Variants in BCKDHB observed in about 807,000 individuals in gnomAD.
The protein encoded by BCKDHB is 2-oxoisovalerate dehydrogenase subunit beta, mitochondrial.
A neutral mutation model predicts 48.5 loss-of-function variants in BCKDHB; 41 were observed. That is an observed-to-expected ratio of 0.85 (90% CI 0.66 to 1.10). The LOEUF (loss-of-function observed/expected upper bound fraction) is 1.10, where lower values mean the gene tolerates loss of function less well. Ranked by LOEUF, BCKDHB falls within the 50% of genes least tolerant of loss-of-function variation. The pLI is 0.00. For missense variants in BCKDHB, 496 were observed against 494.2 expected (o/e 1.00, Z -0.03); for synonymous variants, 201 against 174.8 (o/e 1.15, Z -1.18).
intron 6 of BCKDHB, among the ~76,000 whole-genome samples, chr6:80,180,653 G>T (rs770069586): frequency 1.3e-5 from 2 of 152,092 alleles, no homozygotes; most frequent in Non-Finnish European, 2.9e-5. Flanking sequence ...AGGACATAAT[G>T]ATATTGAGGA....
intron 3 of BCKDHB, among the ~76,000 whole-genome samples, chr6:80,129,668 G>A (rs1770530610): frequency 6.6e-6 from 1 of 151,972 alleles, no homozygotes; most frequent in Non-Finnish European, 1.5e-5. Flanking sequence ...TGGCTCATGT[G>A]AGTTTAGTTT....
At chr6:80,139,013 T>C (rs1446711150) in intron 3 of BCKDHB, among the ~76,000 whole-genome samples, 1 of 152,222 alleles carries the variant, frequency 6.6e-6, no homozygotes, top group East Asian at 1.9e-4. Context: ...TGTGAGATGA[T>C]ATCTCATTGT....
chr6:80,197,324 A>G (rs552606432), intron 6 of BCKDHB, among the ~76,000 whole-genome samples: 2 of 152,332 alleles, frequency 1.3e-5, no homozygotes, highest in Non-Finnish European at 2.9e-5. Context: ...ATTAAAATTA[A>G]TTCTTATTCT....
At chr6:80,176,385 A>G (rs1773156396) in intron 6 of BCKDHB, among the ~76,000 whole-genome samples, 2 of 152,182 alleles carry the variant, frequency 1.3e-5, no homozygotes, top group South Asian at 4.1e-4. Context: ...AGGTAAGTGA[A>G]TGCCAAAGCT....
At chr6:80,311,109 T>C (rs755910295) in intron 9 of BCKDHB, among the ~76,000 whole-genome samples, 4 of 152,220 alleles carry the variant, frequency 2.6e-5, no homozygotes, top group Admixed American at 6.5e-5. Flanking sequence ...TCCCGTGCTG[T>C]TCTCATGATA....
chr6:80,313,776 G>C (rs1057233236), intron 9 of BCKDHB, among the ~76,000 whole-genome samples: 1 of 152,084 alleles, frequency 6.6e-6, no homozygotes, highest in Admixed American at 6.6e-5. Context: ...CTTTGATCTT[G>C]GTTATTTTTT....
the BCKDHB span, among the ~76,000 whole-genome samples, chr6:80,411,783 G>A: frequency 1.3e-5 from 2 of 152,216 alleles, no homozygotes; most frequent in Admixed American, 6.5e-5. Flanking sequence ...GGCACGGGAG[G>A]GAATCTCCTG....
the BCKDHB span, among the ~76,000 whole-genome samples, chr6:80,458,851 C>T: frequency 6.6e-6 from 1 of 151,990 alleles, no homozygotes; most frequent in Non-Finnish European, 1.5e-5. Context: ...AATCACCTAA[C>T]TGTCATGAAC....
chr6:80,325,252 C>A (rs1474772093), intron 9 of BCKDHB, among the ~76,000 whole-genome samples: 1 of 152,116 alleles, frequency 6.6e-6, no homozygotes, highest in African/African-American at 2.4e-5. Flanking sequence ...CTGACTGATC[C>A]TTTTTTGAAA....
At chr6:80,397,179 A>G in the BCKDHB span, among the ~76,000 whole-genome samples, 2 of 152,146 alleles carry the variant, frequency 1.3e-5, no homozygotes, top group Non-Finnish European at 2.9e-5. Flanking sequence ...TGGGAAATAT[A>G]CTGGTCTATC....
intron 8 of BCKDHB, among the ~76,000 whole-genome samples, chr6:80,261,278 A>G (rs1392174537): frequency 1.3e-5 from 2 of 152,028 alleles, no homozygotes; most frequent in Non-Finnish European, 2.9e-5. Context: ...GACTTTGGGA[A>G]AGGACAAATG....
intron 1 of BCKDHB, among the ~76,000 whole-genome samples, chr6:80,115,607 T>C (rs1227007199): frequency 6.6e-6 from 1 of 151,992 alleles, no homozygotes; most frequent in Non-Finnish European, 1.5e-5. Context: ...GATTGTCACT[T>C]GTGTGTTACG....
chr6:80,121,070 T>G (rs1179981320), intron 1 of BCKDHB, among the ~76,000 whole-genome samples: 1 of 152,222 alleles, frequency 6.6e-6, no homozygotes, highest in Non-Finnish European at 1.5e-5. Context: ...CAGTTTCAGC[T>G]TTCTACATAT....
the BCKDHB span, among the ~76,000 whole-genome samples, chr6:80,398,187 C>G: frequency 6.6e-6 from 1 of 151,574 alleles, no homozygotes; most frequent in Non-Finnish European, 1.5e-5. Flanking sequence ...GAAGCCAGAG[C>G]AAACAAATCC....
At chr6:80,390,225 C>T in the BCKDHB span, among the ~76,000 whole-genome samples, 1 of 152,288 alleles carries the variant, frequency 6.6e-6, no homozygotes, top group South Asian at 2.1e-4. Flanking sequence ...TATTACCATG[C>T]CCTGTGATTA....
intron 9 of BCKDHB, among the ~76,000 whole-genome samples, chr6:80,305,412 TG>T (rs1193661702): frequency 1.3e-5 from 2 of 150,600 alleles, no homozygotes; most frequent in African/African-American, 4.9e-5. Flanking sequence ...GGTTTTTTTT[TG>T]AAAAATTATG....
chr6:80,388,371 C>A, the BCKDHB span, among the ~76,000 whole-genome samples: 1 of 152,130 alleles, frequency 6.6e-6, no homozygotes, highest in South Asian at 2.1e-4. Context: ...TGGACCTAGA[C>A]CCTGCCATTA....
At chr6:80,439,639 G>A in the BCKDHB span, among the ~76,000 whole-genome samples, 1 of 152,054 alleles carries the variant, frequency 6.6e-6, no homozygotes, top group African/African-American at 2.4e-5. Flanking sequence ...CTTTTTAAAG[G>A]GCTAAACAAA....
chr6:80,420,586 T>C, the BCKDHB span, among the ~76,000 whole-genome samples: 1 of 152,182 alleles, frequency 6.6e-6, no homozygotes, highest in African/African-American at 2.4e-5. Context: ...CTGGAACTCA[T>C]GTGTGTTGTG....
Sources: allele counts gnomAD v4.1 joint callset (sites outside exome capture counted in the v4.1 genomes callset), GRCh38; gene constraint gnomAD v4.1.1; transcripts MANE v1.5; gene names NCBI Gene and HGNC (gene_info 2026-07-23, HGNC 2026-07-21).